The following PDS5A variants were observed in gnomAD, a reference collection of about 807,000 sequenced individuals.
PDS5A encodes PDS5 cohesin associated factor A.
PDS5A carries 42 observed loss-of-function variants against 167.1 expected under a neutral mutation model. The observed-to-expected ratio is 0.25, with a 90% CI of 0.20 to 0.33. The LOEUF is 0.33. Ranked by LOEUF, PDS5A falls within the 10% of genes least tolerant of loss-of-function variation. The pLI is 1.00. For synonymous variants in PDS5A, 553 were observed against 554.6 expected, an observed-to-expected ratio of 1.00 and a Z score of 0.04; for missense variants, 1,033 against 1,605.9, an observed-to-expected ratio of 0.64 and a Z score of 6.10.
rs111371362 is a variant in PDS5A at position 39,829,578 on chromosome 4, T to A, written c.4011-4090A>T. Among the ~76,000 whole-genome samples, 369 of 147,378 alleles carry A rather than the reference T, an allele frequency of 2.5e-3. 2 individuals carry two copies. The highest frequency in any genetic ancestry group is 8.5e-3 in the African/African-American group (337 of 39,568). On this transcript the variant is annotated intron_variant, in intron 32 of 32. Transcript: ENST00000303538. ...AGAAAAATTGCTTTAATCCAGGAGG[T>A]GGAGGTCGCAGTGAGCCAAGACTGC...
chr4:39,977,223 G>A lies in PDS5A; in HGVS notation c.-41+234C>T, dbSNP rs932944868. ...GCCCTCCACCCTCAGCCCCACGCCA[G>A]GAAGCGGCTGACGCGCCTCCGCACT... On this transcript the variant is annotated intron_variant, in intron 1 of 32. Transcript: ENST00000303538. This position sits in a 1 kb window ranked among gnomAD's most constrained non-coding sequence, Gnocchi z 4.2. Among the ~76,000 whole-genome samples the A allele has an allele frequency of 7.8e-4, 118 of 151,926 alleles. 1 individual carries two copies. The highest frequency in any genetic ancestry group is 7.9e-4 in the Admixed American group (12 of 15,256).
chr4:39,956,551 A>C (rs567377650), intron 2 of PDS5A, among the ~76,000 whole-genome samples: 17 of 152,172 alleles, frequency 1.1e-4, no homozygotes, highest in African/African-American at 4.1e-4. Context: ...TGAACACAGC[A>C]AACAAAGCTA....
Position 39,917,202 on chromosome 4 carries a change from T to G in PDS5A, c.736-14A>C. The G allele has an allele frequency of 8.6e-6, 13 of 1,514,474 alleles. No individual in the cohort carries two copies. The highest frequency in any genetic ancestry group is 1.1e-5 in the Non-Finnish European group (13 of 1,134,506). The allele number at this position is 1,514,474 out of a possible 1,614,324, so 93.8% of individuals were successfully genotyped here. On this transcript the variant is annotated splice_polypyrimidine_tract_variant and intron_variant, in intron 7 of 32. Transcript: ENST00000303538. ...TTGATTGAAAAACTGTAAGAGATAT[T>G]AAAAACAAAAAGAAAACATCCAGTT... is the stretch of plus-strand genomic sequence containing the variant.
chr4:39,938,698 G>A (rs1303943670), intron 2 of PDS5A, among the ~76,000 whole-genome samples: 3 of 152,146 alleles, frequency 2.0e-5, no homozygotes, highest in Non-Finnish European at 2.9e-5. Context: ...TAGGCCAGGC[G>A]CAGTAGCTCA....
chr4:39,894,867 C>T (rs1722257705), intron 16 of PDS5A, among the ~76,000 whole-genome samples: 1 of 152,046 alleles, frequency 6.6e-6, no homozygotes, highest in African/African-American at 2.4e-5. Flanking sequence ...CAGAGAAATA[C>T]ATACCCTCCC....
At chr4:39,961,981 TTC>T (rs1292174927) in intron 2 of PDS5A, among the ~76,000 whole-genome samples, 2 of 152,220 alleles carry the variant, frequency 1.3e-5, no homozygotes, top group Non-Finnish European at 2.9e-5. Flanking sequence ...TCAACATTAT[TTC>T]TGTTATTAAA....
chr4:39,916,283 G>A (rs1724373899), intron 8 of PDS5A, among the ~76,000 whole-genome samples: 1 of 151,962 alleles, frequency 6.6e-6, no homozygotes, highest in African/African-American at 2.4e-5. Context: ...ACAAATAGCA[G>A]AGGGGCAAGA....
In PDS5A at chr4:39,862,847, C is replaced by A. The variant is rs193084609; in HGVS notation, c.2971+22G>T. 1.1e-5 allele frequency: 16 copies of A among 1,458,150 alleles called. No individual in the cohort carries two copies. The African/African-American group carries it at 1.8e-4, about 16-fold the overall frequency. 90.3% of individuals were successfully genotyped at this position (1,458,150 alleles called of 1,614,324 possible). On this transcript the variant is annotated intron_variant, in intron 25 of 32. Coordinates refer to ENST00000303538, the MANE Select transcript of PDS5A (RefSeq NM_001100399.2). ...TACATTGACAAAATATATTTGCACACGGAGAACTCTGAGTTACTTACCAGT... is the reference window on the plus strand; with the variant it reads ...TACATTGACAAAATATATTTGCACAAGGAGAACTCTGAGTTACTTACCAGT...
chr4:39,864,533 C>T (rs141757595), intron 23 of PDS5A, among the ~76,000 whole-genome samples: 1 of 152,302 alleles, frequency 6.6e-6, no homozygotes, highest in African/African-American at 2.4e-5. Context: ...TGGAACATAG[C>T]ATGGCTTTTG....
chr4:39,943,907 G>A (rs1037887741), intron 2 of PDS5A, among the ~76,000 whole-genome samples: 1 of 152,180 alleles, frequency 6.6e-6, no homozygotes, highest in East Asian at 1.9e-4. Context: ...GCCGGGTGTG[G>A]TGGCTCATGC....
At chr4:39,843,064 T>C (rs940091533) in intron 30 of PDS5A, among the ~76,000 whole-genome samples, 10 of 151,042 alleles carry the variant, frequency 6.6e-5, no homozygotes, top group South Asian at 2.1e-4. Flanking sequence ...GGACTACAAG[T>C]GTATGCCCCC....
At chr4:39,964,262 T>C (rs1043117086) in intron 2 of PDS5A, among the ~76,000 whole-genome samples, 36 of 152,090 alleles carry the variant, frequency 2.4e-4, no homozygotes, top group Admixed American at 2.3e-3. Flanking sequence ...AAATATGGAA[T>C]GGAGGAAGCT....
intron 32 of PDS5A, 120 bp from the exon 33 acceptor site, chr4:39,825,608 G>C (rs1715224218): frequency 2.8e-6 from 2 of 721,192 alleles, no homozygotes; most frequent in Non-Finnish European, 2.1e-6. Context: ...TTAAACTTAA[G>C]CATCAGGATC....
At chr4:39,935,727 A>G (rs1384826263) in intron 2 of PDS5A, among the ~76,000 whole-genome samples, 6 of 152,224 alleles carry the variant, frequency 3.9e-5, no homozygotes. Flanking sequence ...CTCAACATAA[A>G]AATGAGGAAA....
intron 29 of PDS5A, 116 bp downstream of exon 29, chr4:39,845,702 T>G (rs552582788): frequency 1.8e-6 from 2 of 1,115,520 alleles, no homozygotes; most frequent in South Asian, 6.4e-5. Context: ...ATCCATAATG[T>G]GATCCCTAAG....
At chr4:39,918,894 A>G (rs1366334918) in intron 7 of PDS5A, among the ~76,000 whole-genome samples, 2 of 152,192 alleles carry the variant, frequency 1.3e-5, no homozygotes, top group Non-Finnish European at 2.9e-5. Context: ...AAAAATTCAT[A>G]TTTACTATGC....
At chr4:39,908,846 G>A in intron 10 of PDS5A, 1 of 236,662 alleles carries the variant, frequency 4.2e-6, no homozygotes, top group Non-Finnish European at 8.1e-6. Context: ...AGGCAACATG[G>A]CAAAACCCCG....
chr4:39,852,436 C>G (rs1718197083), intron 26 of PDS5A, among the ~76,000 whole-genome samples: 1 of 152,090 alleles, frequency 6.6e-6, no homozygotes, highest in African/African-American at 2.4e-5. Context: ...TCCAAGGGAG[C>G]TAATTCCTCT....
intron 23 of PDS5A, among the ~76,000 whole-genome samples, chr4:39,865,728 T>C (rs1345730740): frequency 2.0e-5 from 3 of 152,234 alleles, no homozygotes. Flanking sequence ...GGTTTCAACA[T>C]GACCTCAATT....
Sources: gnomAD v4.1 joint callset for allele counts (sites outside exome capture counted in the v4.1 genomes callset) on GRCh38, gnomAD v4.1.1 for gene constraint, Gnocchi (gnomAD v3.1) non-coding constraint, MANE v1.5 for transcripts, NCBI Gene and HGNC (gene_info 2026-07-23, HGNC 2026-07-21) for gene names.